Variants in TTLL5 observed in about 807,000 individuals in gnomAD.
The protein encoded by TTLL5 is tubulin tyrosine ligase like 5.
TTLL5 carries 132 observed loss-of-function variants against 168.4 expected under a neutral mutation model. The ratio of observed to expected loss-of-function variants is 0.78; its 90% CI spans 0.68 to 0.91. The LOEUF (loss-of-function observed/expected upper bound fraction) is 0.91. TTLL5 is among the 40% of genes least tolerant of loss of function. The pLI is 0.00. For synonymous variants in TTLL5, 546 were observed against 558.6 expected (o/e 0.98, Z 0.32); for missense variants, 1,545 against 1,581.5 (o/e 0.98, Z 0.39).
At chr14:75,739,598 T>C (rs1889123100) in intron 15 of TTLL5, among the ~76,000 whole-genome samples, 1 of 152,192 alleles carries the variant, frequency 6.6e-6, no homozygotes, top group Non-Finnish European at 1.5e-5. Context: ...TTGTATGGCA[T>C]GGTACTGTGG....
Position 75,874,076 on chromosome 14 carries a change from C to CTTTA in TTLL5, c.3523-8581_3523-8578dup, listed in dbSNP as rs143951017. Among the ~76,000 whole-genome samples the CTTTA allele has an allele frequency of 7.7e-3, 1,154 of 149,964 alleles. 11 individuals carry two copies. Among genetic ancestry groups the CTTTA allele is most frequent in the African/African-American group, 0.024 (980 of 40,654 alleles). On this transcript the variant is annotated intron_variant, in intron 29 of 31. Coordinates refer to ENST00000298832, the MANE Select transcript of TTLL5 (RefSeq NM_015072.5). ...TTAATACCATGATTAAATGGTTATT[C>CTTTA]TTTATTTATTTATTTATTTATTTAT...
intron 20 of TTLL5, among the ~76,000 whole-genome samples, chr14:75,769,600 T>A (rs769558398): frequency 6.6e-6 from 1 of 151,560 alleles, no homozygotes; most frequent in Non-Finnish European, 1.5e-5. Flanking sequence ...TCTCAACTTA[T>A]GAGCAATAAT....
intron 20 of TTLL5, among the ~76,000 whole-genome samples, chr14:75,769,869 T>G (rs1424109274): frequency 2.0e-5 from 3 of 152,102 alleles, no homozygotes; most frequent in Non-Finnish European, 4.4e-5. Flanking sequence ...TTATTGTCTT[T>G]GAGGAACAGT....
chr14:75,811,824 A>G (rs1404333329), intron 27 of TTLL5, among the ~76,000 whole-genome samples: 2 of 152,196 alleles, frequency 1.3e-5, no homozygotes, highest in East Asian at 1.9e-4. Context: ...GGTATCTTCT[A>G]AGAATCAACA....
intron 27 of TTLL5, among the ~76,000 whole-genome samples, chr14:75,818,882 T>A (rs1367023795): frequency 6.6e-6 from 1 of 152,342 alleles, no homozygotes; most frequent in East Asian, 1.9e-4. Flanking sequence ...GCCATTTAGA[T>A]CTCCTTTTTC....
chr14:75,708,926 C>T (rs1359451617), intron 9 of TTLL5, among the ~76,000 whole-genome samples: 4 of 152,086 alleles, frequency 2.6e-5, no homozygotes, highest in Non-Finnish European at 5.9e-5. Context: ...GAAGAATTGT[C>T]TTGGGCCATA....
intron 18 of TTLL5, among the ~76,000 whole-genome samples, chr14:75,762,222 C>T (rs1476169232): frequency 2.0e-5 from 3 of 151,922 alleles, no homozygotes; most frequent in Non-Finnish European, 4.4e-5. Flanking sequence ...GGTGAAACCC[C>T]ATCTCTACTA....
rs572098833 is a variant in TTLL5 at position 75,687,144 on chromosome 14, A to G, written c.372-3048A>G. 3.3e-5 allele frequency among the ~76,000 whole-genome samples: 5 copies of G among 152,378 alleles called. No homozygotes were observed. The East Asian group carries it at 7.7e-4, about 23-fold the overall frequency. On this transcript the variant is annotated intron_variant, in intron 5 of 31. Transcript: ENST00000298832. Reference sequence around the variant, plus strand: ...TGAAATAAGGGTCATAGACCTAAAAATAAAACATAAACTGTAAAACTTATA... The same window carrying G: ...TGAAATAAGGGTCATAGACCTAAAAGTAAAACATAAACTGTAAAACTTATA...
intron 26 of TTLL5, among the ~76,000 whole-genome samples, chr14:75,787,309 A>T (rs1452060059): frequency 6.6e-6 from 1 of 152,198 alleles, no homozygotes; most frequent in East Asian, 1.9e-4. Flanking sequence ...TAAAAAATTG[A>T]AAAAAGAAAT....
chr14:75,781,676 C>T (rs1294350253), intron 24 of TTLL5, among the ~76,000 whole-genome samples: 2 of 152,026 alleles, frequency 1.3e-5, no homozygotes, highest in Non-Finnish European at 1.5e-5. Context: ...GAGTTTAGGC[C>T]GGGCATGGTG....
intron 2 of TTLL5, among the ~76,000 whole-genome samples, chr14:75,667,751 G>GTTTTTTTTTT (rs67181555): frequency 5.4e-4 from 48 of 89,088 alleles, no homozygotes; most frequent in Non-Finnish European, 6.5e-4. Flanking sequence ...ATCTTTTTAT[G>GTTTTTTTTTT]TTTTTTTTTT....
intron 30 of TTLL5, 111 bp downstream of exon 30, chr14:75,883,013 C>T (rs955519772): frequency 4.4e-5 from 52 of 1,180,392 alleles, no homozygotes; most frequent in Non-Finnish European, 6.0e-5. Flanking sequence ...GAAACAAGAA[C>T]ACCTGCTGGG....
rs567495108 is a variant in TTLL5 at position 75,819,757 on chromosome 14, G to A, written c.3172-250G>A. On this transcript the variant is annotated intron_variant, in intron 27 of 31. Transcript: ENST00000298832. ...ATCCGTCTTTGTTTTTCATAGACCC[G>A]GCACAGTCCAGTGCCCTGCACTTAG... Among the ~76,000 whole-genome samples, 19 of 152,190 alleles carry A rather than the reference G, an allele frequency of 1.2e-4. No individual in the cohort carries two copies. The South Asian group carries it at 1.9e-3, about 15-fold the overall frequency.
intron 20 of TTLL5, among the ~76,000 whole-genome samples, chr14:75,768,440 A>G (rs1485935169): frequency 6.6e-6 from 1 of 152,226 alleles, no homozygotes; most frequent in African/African-American, 2.4e-5. Flanking sequence ...GGGTTTGGCA[A>G]TGAAAGGAAG....
intron 5 of TTLL5, 102 bp downstream of exon 5, chr14:75,683,758 A>G: frequency 2.1e-6 from 2 of 936,570 alleles, no homozygotes; most frequent in Non-Finnish European, 1.6e-6. Context: ...GGAAGATGAA[A>G]ATGAAGAAGA....
At chr14:75,773,935 GAGAGAGAGAGAGAGAGAGAGAA>G (rs1566598046) in intron 21 of TTLL5, among the ~76,000 whole-genome samples, 2 of 28,996 alleles carry the variant, frequency 6.9e-5, no homozygotes, top group African/African-American at 2.0e-4. Context: ...TATAGAGAGA[GAGAGAGAGAGAGAGAGAGAGAA>G]AGAGAGAGAG....
chr14:75,783,123 CTTGT>C lies in TTLL5; in HGVS notation c.2603-21_2603-18del. The C allele has an allele frequency of 5.7e-6, 9 of 1,574,682 alleles. No homozygotes were observed. The highest frequency in any genetic ancestry group is 7.7e-6 in the Non-Finnish European group (9 of 1,164,900). Reference sequence around the variant, plus strand: ...ATGTTTGTTTTTCCTATAATGATGTCTTGTTTTGTTTTGTTTTTAATAGGATTTA... The same window carrying C: ...ATGTTTGTTTTTCCTATAATGATGTCTTTGTTTTGTTTTTAATAGGATTTA... On this transcript the variant is annotated intron_variant, in intron 25 of 31. Coordinates refer to ENST00000298832, the MANE Select transcript of TTLL5 (RefSeq NM_015072.5).
intron 7 of TTLL5, among the ~76,000 whole-genome samples, chr14:75,702,470 A>G (rs1363770044): frequency 1.3e-5 from 2 of 152,198 alleles, no homozygotes; most frequent in African/African-American, 4.8e-5. Context: ...ATTTTCTTAG[A>G]TATGAGTCAA....
chr14:75,770,179 G>GAAAAAA (rs56876692), intron 20 of TTLL5, among the ~76,000 whole-genome samples: 31 of 84,976 alleles, frequency 3.6e-4, no homozygotes, highest in South Asian at 4.6e-4. Flanking sequence ...ACTCTGTCTC[G>GAAAAAA]AAAAAAAAAA....
Sources: allele counts gnomAD v4.1 joint callset (sites outside exome capture counted in the v4.1 genomes callset), GRCh38; gene constraint gnomAD v4.1.1; transcripts MANE v1.5; gene names NCBI Gene and HGNC (gene_info 2026-07-23, HGNC 2026-07-21).